AFF3: variants seen among roughly 807,000 people sequenced by gnomAD.
AFF3 encodes the protein AF4/FMR2 family member 3.
AFF3 carries 32 observed loss-of-function variants against 129.7 expected under a neutral mutation model. That is an observed-to-expected ratio of 0.25 (90% CI 0.19 to 0.33). AFF3 has a LOEUF of 0.33. Ranked by LOEUF, AFF3 falls within the 10% of genes least tolerant of loss-of-function variation. AFF3 has a pLI of 1.00. For missense variants in AFF3, 1,373 were observed against 1,592.0 expected, an observed-to-expected ratio of 0.86 and a Z score of 2.34; for synonymous variants, 644 against 635.4, an observed-to-expected ratio of 1.01 and a Z score of -0.20.
At chr2:99,686,209 T>A (rs1477106394) in intron 11 of AFF3, among the ~76,000 whole-genome samples, 2 of 151,728 alleles carry the variant, frequency 1.3e-5, no homozygotes, top group Non-Finnish European at 2.9e-5. Context: ...GCAGACAGGA[T>A]CCCAGTCCAA....
At chr2:100,004,864 A>AAAAAAG (rs1681816694) in intron 7 of AFF3, among the ~76,000 whole-genome samples, 1 of 152,116 alleles carries the variant, frequency 6.6e-6, no homozygotes, top group African/African-American at 2.4e-5. Flanking sequence ...TTCACAAAAA[A>AAAAAAG]AAAAAGAACC....
intron 2 of AFF3, among the ~76,000 whole-genome samples, chr2:100,117,151 T>G (rs1691765080): frequency 6.6e-6 from 1 of 152,188 alleles, no homozygotes; most frequent in Admixed American, 6.5e-5. Flanking sequence ...TCATAGGGCT[T>G]CTTATCTAAG....
chr2:100,132,894 A>T (rs1349823279), intron 1 of AFF3, among the ~76,000 whole-genome samples: 2 of 151,452 alleles, frequency 1.3e-5, no homozygotes, highest in African/African-American at 4.8e-5. Flanking sequence ...GAAAGAAGAA[A>T]TTAGGTCAAT....
intron 7 of AFF3, among the ~76,000 whole-genome samples, chr2:99,995,243 T>A (rs1479150570): frequency 6.6e-6 from 1 of 152,152 alleles, no homozygotes; most frequent in African/African-American, 2.4e-5. Flanking sequence ...AAAGAAAGCA[T>A]TTTTTCTTGC....
chr2:100,136,501 C>CA (rs1692646351), intron 1 of AFF3, among the ~76,000 whole-genome samples: 1 of 152,182 alleles, frequency 6.6e-6, no homozygotes, highest in African/African-American at 2.4e-5. Flanking sequence ...CTATGACTGT[C>CA]CTCATTCTTG....
intron 8 of AFF3, among the ~76,000 whole-genome samples, chr2:99,816,980 T>C (rs1476282595): frequency 6.6e-6 from 1 of 152,114 alleles, no homozygotes; most frequent in Admixed American, 6.5e-5. Flanking sequence ...TGATTCTGAG[T>C]TGAATATTGC....
intron 2 of AFF3, among the ~76,000 whole-genome samples, chr2:100,107,959 T>G (rs1691376494): frequency 6.7e-6 from 1 of 150,350 alleles, no homozygotes; most frequent in South Asian, 2.1e-4. Context: ...CTCTTTATAA[T>G]CCCACCATTC....
intron 12 of AFF3, among the ~76,000 whole-genome samples, chr2:99,654,164 G>A (rs959535813): frequency 1.3e-5 from 2 of 152,140 alleles, no homozygotes; most frequent in Admixed American, 6.5e-5. Flanking sequence ...ACAGGTGTGC[G>A]CCACTGCGCC....
chr2:99,897,426 G>C (rs1262063555), intron 7 of AFF3, among the ~76,000 whole-genome samples: 4 of 151,996 alleles, frequency 2.6e-5, no homozygotes, highest in Non-Finnish European at 4.4e-5. Flanking sequence ...ACGGACTGTG[G>C]CTATCAGGCC....
At chr2:99,810,287 C>T (rs938373504) in intron 8 of AFF3, among the ~76,000 whole-genome samples, 7 of 152,224 alleles carry the variant, frequency 4.6e-5, no homozygotes, top group South Asian at 2.1e-4. Flanking sequence ...AGCATCCTCC[C>T]GGTTGCTATG....
At chr2:100,080,036 G>A (rs2105349589) in intron 4 of AFF3, among the ~76,000 whole-genome samples, 1 of 152,304 alleles carries the variant, frequency 6.6e-6, no homozygotes, top group South Asian at 2.1e-4. Context: ...GCCTAGCTCA[G>A]ACACTGCAAA....
In AFF3 at chr2:99,992,012, A is replaced by AT. The variant is rs1474378703; in HGVS notation, c.873+14619dup. ...ACAAGAAGCATAGCCAATTTCAAAG[A>AT]TTAAAAAAAAAAGGAACTTGGAAAA... On this transcript the variant is annotated intron_variant, in intron 7 of 24. Transcript: ENST00000672756. Among the ~76,000 whole-genome samples the AT allele has an allele frequency of 7.2e-5, 11 of 152,130 alleles. No individual in the cohort carries two copies. In the East Asian group the frequency reaches 1.9e-3, roughly 27 times the overall value.
intron 10 of AFF3, among the ~76,000 whole-genome samples, chr2:99,739,452 G>A (rs1239593055): frequency 6.6e-6 from 1 of 152,060 alleles, no homozygotes; most frequent in Non-Finnish European, 1.5e-5. Context: ...TGAAGGAAGG[G>A]GAAGGATTGC....
At chr2:99,630,851 T>G in intron 13 of AFF3, 1 of 249,746 alleles carries the variant, frequency 4.0e-6, no homozygotes. Flanking sequence ...GGGATGACAA[T>G]TCCAGATGAG....
intron 13 of AFF3, among the ~76,000 whole-genome samples, chr2:99,612,709 G>C (rs964319329): frequency 6.6e-6 from 1 of 152,194 alleles, no homozygotes; most frequent in Non-Finnish European, 1.5e-5. Flanking sequence ...GCTCAAGATT[G>C]AGTTAGAGCC....
intron 4 of AFF3, among the ~76,000 whole-genome samples, chr2:100,037,476 ATTT>A (rs1685022843): frequency 9.8e-6 from 1 of 102,142 alleles, no homozygotes; most frequent in Non-Finnish European, 1.8e-5. Flanking sequence ...ATATATTTAT[ATTT>A]TATATATTAT....
chr2:99,882,075 GTC>G (rs144237739), intron 7 of AFF3, among the ~76,000 whole-genome samples: 7 of 149,080 alleles, frequency 4.7e-5, no homozygotes, highest in East Asian at 2.0e-4. Flanking sequence ...CTCTCTCTCT[GTC>G]TCTCTCTCTC....
intron 2 of AFF3, among the ~76,000 whole-genome samples, chr2:100,111,591 A>G (rs1014524259): frequency 1.3e-5 from 2 of 152,252 alleles, no homozygotes; most frequent in African/African-American, 4.8e-5. Context: ...CAGTGTAGGA[A>G]TAATAATAGT....
At chr2:99,564,446 A>G (rs10188758) in intron 20 of AFF3, among the ~76,000 whole-genome samples, 94 of 152,324 alleles carry the variant, frequency 6.2e-4, no homozygotes, top group African/African-American at 2.1e-3. Context: ...ATATAAAAAG[A>G]CAGTATAAAG....
Sources: allele counts gnomAD v4.1 joint callset (sites outside exome capture counted in the v4.1 genomes callset), GRCh38; gene constraint gnomAD v4.1.1; transcripts MANE v1.5; gene names NCBI Gene and HGNC (gene_info 2026-07-23, HGNC 2026-07-21).